BMP2K: variants seen among roughly 807,000 people sequenced by gnomAD.
BMP2K encodes BMP2 inducible kinase.
A neutral mutation model predicts 116.0 loss-of-function variants in BMP2K; 74 were observed. The observed-to-expected ratio is 0.64, with a 90% CI of 0.53 to 0.77. The LOEUF is 0.77. Ranked by LOEUF, BMP2K falls within the 30% of genes least tolerant of loss-of-function variation. The pLI is 0.00. For missense variants in BMP2K, 1,365 were observed against 1,403.6 expected (o/e 0.97, Z 0.44); for synonymous variants, 486 against 502.5 (o/e 0.97, Z 0.44).
At chr4:78,860,175 A>G in intron 8 of BMP2K, 2 of 438,066 alleles carry the variant, frequency 4.6e-6, no homozygotes, top group Admixed American at 2.8e-5. Flanking sequence ...AGTAATAGAC[A>G]TTGGAAGTCA....
chr4:78,884,249 C>T (rs949097707), intron 14 of BMP2K, among the ~76,000 whole-genome samples: 1 of 152,142 alleles, frequency 6.6e-6, no homozygotes, highest in African/African-American at 2.4e-5. Context: ...ATCGCTTGAA[C>T]CTGAGAGGTT....
intron 2 of BMP2K, among the ~76,000 whole-genome samples, chr4:78,833,189 T>C (rs1048094358): frequency 9.9e-5 from 15 of 152,088 alleles, no homozygotes; most frequent in African/African-American, 3.6e-4. Flanking sequence ...TTGCAATATG[T>C]TGCAGGCAAA....
intron 1 of BMP2K, among the ~76,000 whole-genome samples, chr4:78,792,316 AC>A (rs1728041632): frequency 6.6e-6 from 1 of 152,258 alleles, no homozygotes; most frequent in Non-Finnish European, 1.5e-5. Context: ...AATGGGAAAT[AC>A]AAAGCACTTT....
intron 1 of BMP2K, among the ~76,000 whole-genome samples, chr4:78,796,289 G>A (rs1181898887): frequency 1.4e-5 from 2 of 147,704 alleles, no homozygotes; most frequent in African/African-American, 5.0e-5. Context: ...TGCAAGAACA[G>A]AAAACCAAAC....
At chr4:78,910,099 T>G (rs1366490315) in intron 15 of BMP2K, among the ~76,000 whole-genome samples, 1 of 152,160 alleles carries the variant, frequency 6.6e-6, no homozygotes, top group Non-Finnish European at 1.5e-5. Flanking sequence ...CTAAGTCAAT[T>G]CAAAAGATAG....
intron 1 of BMP2K, among the ~76,000 whole-genome samples, chr4:78,797,509 G>A (rs143199684): frequency 3.0e-4 from 45 of 152,204 alleles, no homozygotes; most frequent in African/African-American, 1.1e-3. Flanking sequence ...AAAACTTCAG[G>A]TTTAATAAAT....
At chr4:78,870,611 G>A (rs548489434) in intron 10 of BMP2K, among the ~76,000 whole-genome samples, 172 bp from the exon 11 acceptor site, 3 of 152,232 alleles carry the variant, frequency 2.0e-5, no homozygotes, top group South Asian at 4.2e-4. Flanking sequence ...AGCTTCTTCG[G>A]TACTTACAAT....
intron 6 of BMP2K, among the ~76,000 whole-genome samples, chr4:78,849,688 C>T (rs997102941): frequency 2.0e-5 from 3 of 151,432 alleles, no homozygotes; most frequent in Non-Finnish European, 4.4e-5. Flanking sequence ...CATCATAAAT[C>T]TTTTGTAACC....
chr4:78,826,501 C>T (rs146437390), intron 2 of BMP2K, among the ~76,000 whole-genome samples: 1 of 152,106 alleles, frequency 6.6e-6, no homozygotes, highest in Non-Finnish European at 1.5e-5. Flanking sequence ...CCGTGCCTGG[C>T]CTGTTTTGTT....
intron 1 of BMP2K, among the ~76,000 whole-genome samples, chr4:78,814,784 A>G (rs538422235): frequency 5.9e-5 from 9 of 152,148 alleles, no homozygotes; most frequent in African/African-American, 2.2e-4. Flanking sequence ...AAAATTATAT[A>G]TTACAGATTT....
chr4:78,903,874 T>C (rs554198008), intron 15 of BMP2K, among the ~76,000 whole-genome samples: 6 of 151,974 alleles, frequency 3.9e-5, no homozygotes, highest in Non-Finnish European at 8.8e-5. Flanking sequence ...TTGCTGGTGA[T>C]AATATTCTAC....
At chr4:78,867,651 T>G (rs1458715330) in intron 10 of BMP2K, among the ~76,000 whole-genome samples, 1 of 152,192 alleles carries the variant, frequency 6.6e-6, no homozygotes, top group Non-Finnish European at 1.5e-5. Flanking sequence ...AATGTAAATG[T>G]CTCCCTCCAT....
rs1273646534 is a variant in BMP2K at position 78,826,081 on chromosome 4, C to T, written c.223C>T (p.Arg75Ter). 3 of 1,613,834 alleles carry T rather than the reference C, an allele frequency of 1.9e-6. No homozygotes were observed. The highest frequency in any genetic ancestry group is 1.1e-5 in the South Asian group (1 of 91,054). Reference sequence around the variant, plus strand: ...CCTCGTGCGTACTCACGGTGGAATCCGATGTGCATTGAAGCGAATGTATGT... The same window carrying T: ...CCTCGTGCGTACTCACGGTGGAATCTGATGTGCATTGAAGCGAATGTATGT... ...VFLVRTHGGI[R>*]CALKRMYVNN... The change falls in exon 2 of 16, where the codon CGA becomes TGA. Residue 75 changes from arginine (R) to a stop codon, truncating the protein, a stop_gained. Coordinates refer to ENST00000502613, the MANE Select transcript of BMP2K (RefSeq NM_198892.2). LOFTEE classifies it high-confidence loss of function.
At chr4:78,889,956 T>C (rs1733341894) in intron 15 of BMP2K, among the ~76,000 whole-genome samples, 1 of 152,252 alleles carries the variant, frequency 6.6e-6, no homozygotes, top group Non-Finnish European at 1.5e-5. Context: ...GTCCTGAATC[T>C]AGTGTTCCTT....
At chr4:78,812,227 C>T (rs535625501) in intron 1 of BMP2K, among the ~76,000 whole-genome samples, 71 of 152,276 alleles carry the variant, frequency 4.7e-4, no homozygotes, top group Middle Eastern at 3.4e-3. Flanking sequence ...CCTCGGCCTC[C>T]CAAAGTATTA....
In BMP2K at chr4:78,913,627, A is replaced by G. The variant is rs1228645376; in HGVS notation, c.*1594A>G. On this transcript the variant is annotated 3_prime_UTR_variant, in exon 16 of 16. Transcript: ENST00000502613. Reference sequence around the variant, plus strand: ...AGTATATTTTACGAGTAATTTTATTAGGAATCTCTTATAGTGCCCCAATGG... The same window carrying G: ...AGTATATTTTACGAGTAATTTTATTGGGAATCTCTTATAGTGCCCCAATGG... 1 of 152,200 alleles carries G rather than the reference A, an allele frequency of 6.6e-6. No homozygotes were observed. Among genetic ancestry groups the G allele is most frequent in the African/African-American group, 2.4e-5 (1 of 41,468 alleles). The allele number at this position is 152,200 out of a possible 1,614,324, so 9.4% of individuals were successfully genotyped here.
At chr4:78,876,122 T>C (rs1049239659) in intron 13 of BMP2K, among the ~76,000 whole-genome samples, 1 of 152,154 alleles carries the variant, frequency 6.6e-6, no homozygotes, top group Non-Finnish European at 1.5e-5. Flanking sequence ...AGTCTGCCAA[T>C]AGGAATCCAT....
intron 1 of BMP2K, among the ~76,000 whole-genome samples, chr4:78,807,559 T>C (rs995687223): frequency 6.6e-6 from 1 of 151,914 alleles, no homozygotes; most frequent in African/African-American, 2.4e-5. Context: ...GCTTTTCTTT[T>C]TTTCTTTTTT....
At chr4:78,864,720 T>C (rs192795812) in intron 9 of BMP2K, among the ~76,000 whole-genome samples, 2 of 152,304 alleles carry the variant, frequency 1.3e-5, no homozygotes, top group Admixed American at 1.3e-4. Context: ...TTTTAAGTAT[T>C]CACTTGAAAA....
Sources: gnomAD v4.1 joint callset for allele counts (sites outside exome capture counted in the v4.1 genomes callset) on GRCh38, gnomAD v4.1.1 for gene constraint, MANE v1.5 for transcripts, NCBI Gene and HGNC (gene_info 2026-07-23, HGNC 2026-07-21) for gene names.